Variants in IQCH observed in about 807,000 individuals in gnomAD.
IQCH encodes IQ motif containing H.
Under a neutral mutation model 117.0 loss-of-function variants are expected in IQCH, and 98 were observed. That is an observed-to-expected ratio of 0.84 (90% confidence interval 0.71 to 0.99). The LOEUF (loss-of-function observed/expected upper bound fraction) is 0.99, where lower values mean the gene tolerates loss of function less well. Among genes scored for constraint, IQCH ranks in the 50% least tolerant of loss-of-function variants. IQCH has a pLI of 0.00. For missense variants in IQCH, 1,102 were observed against 1,243.8 expected, an observed-to-expected ratio of 0.89 and a Z score of 1.72; for synonymous variants, 412 against 448.2, an observed-to-expected ratio of 0.92 and a Z score of 1.02.
Position 67,410,602 on chromosome 15 carries a change from T to C in IQCH, c.2098-6329T>C, listed in dbSNP as rs182297248. On this transcript the variant is annotated intron_variant, in intron 14 of 20. Coordinates refer to ENST00000335894, the MANE Select transcript of IQCH (RefSeq NM_001031715.3). Reference sequence around the variant, plus strand: ...CATTTGCCCATCCTGAACCAATCACTGTAGCCAGGATGTGGCTTTGCTCAT... The same window carrying C: ...CATTTGCCCATCCTGAACCAATCACCGTAGCCAGGATGTGGCTTTGCTCAT... Among the ~76,000 whole-genome samples, 24 of 152,366 alleles carry C rather than the reference T, an allele frequency of 1.6e-4. No individual in the cohort carries two copies. The East Asian group carries it at 2.7e-3, about 17-fold the overall frequency.
chr15:67,320,642 G>A (rs954023025), intron 4 of IQCH, among the ~76,000 whole-genome samples: 1 of 152,106 alleles, frequency 6.6e-6, no homozygotes, highest in Non-Finnish European at 1.5e-5. Context: ...AAGCTCCTTC[G>A]AAGAAAAGTT....
At chr15:67,378,262 A>T (rs1441218231) in intron 10 of IQCH, among the ~76,000 whole-genome samples, 1 of 151,850 alleles carries the variant, frequency 6.6e-6, no homozygotes, top group African/African-American at 2.4e-5. Flanking sequence ...TGCTTTCTCT[A>T]CTATGAGCTG....
At chr15:67,441,122 CAAAAAAAAAAAAAAAAAAA>C (rs200254535) in intron 16 of IQCH, among the ~76,000 whole-genome samples, 5 of 54,010 alleles carry the variant, frequency 9.3e-5, no homozygotes, top group African/African-American at 3.5e-4. Flanking sequence ...GCAATAGCTG[CAAAAAAAAAAAAAAAAAAA>C]AAAAAAAAAA....
At position 67,421,353 on chromosome 15, in the gene IQCH, A is replaced by G; in HGVS notation, c.2281A>G (p.Ile761Val). The G allele has an allele frequency of 1.9e-6, 3 of 1,614,176 alleles. No homozygotes were observed. The highest frequency in any genetic ancestry group is 2.5e-6 in the Non-Finnish European group (3 of 1,180,006). ...NVTNLTVDML[I>V]EPNGKISVLS... Reference sequence around the variant, plus strand: ...CACCAACCTCACAGTGGACATGCTGATAGAGCCCAACGGGAAAATCAGCGT... The same window carrying G: ...CACCAACCTCACAGTGGACATGCTGGTAGAGCCCAACGGGAAAATCAGCGT... Residue 761 changes from isoleucine (I) to valine (V), a missense_variant, in exon 16 of 21, where the codon ATA (isoleucine) becomes GTA (valine). This residue lies in a region of IQCH where 650 missense variants were observed against 794.3 expected (regional missense o/e 0.82). Coordinates refer to ENST00000335894, the MANE Select transcript of IQCH (RefSeq NM_001031715.3).
rs1272854198 is a variant in IQCH at position 67,422,517 on chromosome 15, A to G, written c.2505+940A>G. Among the ~76,000 whole-genome samples the G allele has an allele frequency of 6.6e-6, 1 of 152,118 alleles. No homozygotes were observed. Among genetic ancestry groups the G allele is most frequent in the East Asian group, 1.9e-4 (1 of 5,188 alleles). Reference sequence around the variant, plus strand: ...TCCTCCTAGAGGCCAGGAGGAAGCTACTGTCTCATACCTGGGGTTTTAATT... The same window carrying G: ...TCCTCCTAGAGGCCAGGAGGAAGCTGCTGTCTCATACCTGGGGTTTTAATT... On this transcript the variant is annotated intron_variant, in intron 16 of 20. Coordinates refer to ENST00000335894, the MANE Select transcript of IQCH (RefSeq NM_001031715.3). This position sits in a 1 kb window ranked among gnomAD's most constrained non-coding sequence, Gnocchi z 4.7.
At chr15:67,312,987 G>A (rs1347227479) in intron 4 of IQCH, among the ~76,000 whole-genome samples, 13 of 151,966 alleles carry the variant, frequency 8.6e-5, no homozygotes, top group Admixed American at 8.5e-4. Flanking sequence ...AGAGTGATTC[G>A]CCCTACATTT....
intron 13 of IQCH, among the ~76,000 whole-genome samples, chr15:67,396,447 A>G (rs112787982): frequency 1.3e-5 from 2 of 151,886 alleles, no homozygotes; most frequent in Non-Finnish European, 2.9e-5. Context: ...GTGGCTATGC[A>G]TTCTTCCAGC....
chr15:67,343,930 G>A, intron 5 of IQCH, 133 bp from the exon 6 acceptor site: 5 of 670,232 alleles, frequency 7.5e-6, no homozygotes, highest in Non-Finnish European at 1.2e-5. Context: ...TTTATGCAAA[G>A]GATTAAGGCA....
chr15:67,334,533 G>C (rs1219903616), intron 4 of IQCH, among the ~76,000 whole-genome samples: 1 of 152,128 alleles, frequency 6.6e-6, no homozygotes, highest in Non-Finnish European at 1.5e-5. Context: ...CTTTATTTAA[G>C]ATGCAATTTA....
In IQCH at chr15:67,372,013, T is replaced by C. The variant is rs977183759; in HGVS notation, c.754-98T>C. 5.7e-6 allele frequency: 6 copies of C among 1,050,942 alleles called. No homozygotes were observed. The African/African-American group carries it at 8.0e-5, about 14-fold the overall frequency. The allele number at this position is 1,050,942 out of a possible 1,614,324, so 65.1% of individuals were successfully genotyped here. On this transcript the variant is annotated intron_variant, in intron 8 of 20. Transcript: ENST00000335894. Reference sequence around the variant, plus strand: ...TGCTAGGATTCATATCTTCCCACCATTGAATGCTAAATGATAATGTAGTGT... The same window carrying C: ...TGCTAGGATTCATATCTTCCCACCACTGAATGCTAAATGATAATGTAGTGT...
In IQCH at chr15:67,400,498, T is replaced by TTTTTTTTTTTTTTC. The variant is rs1555481906; in HGVS notation, c.2097+197_2097+198insTTTTTTTTTCTTTT. Among the ~76,000 whole-genome samples the TTTTTTTTTTTTTTC allele has an allele frequency of 2.0e-4, 27 of 137,346 alleles. 1 individual carries two copies. The highest frequency in any genetic ancestry group is 3.8e-3 in the Middle Eastern group (1 of 266). The allele number at this position is 137,346 out of a possible 152,430, so 90.1% of individuals were successfully genotyped here. ...GACTGAGTTCTTTTTTTTCTTTTTT[T>TTTTTTTTTTTTTTC]TTTTGAGATGGGGCCTCACTCTGTT... On this transcript the variant is annotated intron_variant, in intron 14 of 20. Coordinates refer to ENST00000335894, the MANE Select transcript of IQCH (RefSeq NM_001031715.3).
chr15:67,400,279 G>A lies in IQCH; in HGVS notation c.2071G>A (p.Glu691Lys), dbSNP rs1172874324. ...VLKESSRYGL[E>K]DWRKKWAQEP... Reference sequence around the variant, plus strand: ...AAAGGAGAGTAGCAGATATGGCCTTGAAGACTGGAGAAAGAAATGGGCACA... The same window carrying A: ...AAAGGAGAGTAGCAGATATGGCCTTAAAGACTGGAGAAAGAAATGGGCACA... The change falls in exon 14 of 21, where the codon GAA becomes AAA. Residue 691 changes from glutamate (E) to lysine (K), a missense_variant. By Grantham distance (56) the Glu-to-Lys change is moderately conservative. This residue lies in a region of IQCH where 650 missense variants were observed against 794.3 expected (regional missense o/e 0.82). Transcript: ENST00000335894. 3 of 1,613,416 alleles carry A rather than the reference G, an allele frequency of 1.9e-6. No individual in the cohort carries two copies. In the African/African-American group the frequency reaches 4.0e-5, roughly 22 times the overall value.
chr15:67,407,011 G>A lies in IQCH; in HGVS notation c.2097+6706G>A, dbSNP rs1971936796. 6.6e-6 allele frequency: 1 copy of A among 152,194 alleles called. No individual in the cohort carries two copies. The highest frequency in any genetic ancestry group is 1.5e-5 in the Non-Finnish European group (1 of 68,038). 9.4% of individuals were successfully genotyped at this position (152,194 alleles called of 1,614,324 possible). A position where few individuals can be genotyped will look rare whatever the true frequency, so the allele number is the denominator to read the frequency against. On this transcript the variant is annotated intron_variant, in intron 14 of 20. Transcript: ENST00000335894. This position sits in a 1 kb window ranked among gnomAD's most constrained non-coding sequence, Gnocchi z 5.3. ...TTAATCTTTCTTTGGTGATTCAGAA[G>A]GTTCTTTAGGCTCTGGTAGGCTTCC...
chr15:67,263,164 T>C lies in IQCH; in HGVS notation c.217T>C (p.Leu73=), dbSNP rs375566840. ...KYLNVVNQNV[L]TTSVNDESLY... ...TTTAAATGTTGTAAACCAGAATGTA[T>C]TAACGACTTCTGTTAATGATGAGAG... is the stretch of plus-strand genomic sequence containing the variant. The change falls in exon 3 of 21, where the codon TTA becomes CTA. Residue 73 remains leucine, a synonymous_variant. Coordinates refer to ENST00000335894, the MANE Select transcript of IQCH (RefSeq NM_001031715.3). The C allele has an allele frequency of 6.3e-7, 1 of 1,584,334 alleles. No individual in the cohort carries two copies.
rs116379231 is a variant in IQCH, at chr15:67,480,387, C to T, written c.2799+4569C>T. On this transcript the variant is annotated intron_variant, in intron 18 of 20. Coordinates refer to ENST00000335894, the MANE Select transcript of IQCH (RefSeq NM_001031715.3). ...CTTCCTGAGTTGCCATATCCTTTTT[C>T]CTGCCTTAGAAATCATGGAAACACA... Among the ~76,000 whole-genome samples, 1,220 of 152,232 alleles carry T rather than the reference C, an allele frequency of 8.0e-3. 13 individuals are homozygous for T. Among genetic ancestry groups the T allele is most frequent in the African/African-American group, 0.028 (1,165 of 41,534 alleles).
rs116584595 is a variant in IQCH, at chr15:67,378,491, C to T, written c.1372+5058C>T. ...TGGGATAGGTGTACTGCCAAGACTT[C>T]CCAGACAGCATTTCCCAGAAATATC... On this transcript the variant is annotated intron_variant, in intron 10 of 20. Transcript: ENST00000335894. 8.5e-3 allele frequency among the ~76,000 whole-genome samples: 1,260 copies of T among 148,776 alleles called. 19 individuals are homozygous for T. Among genetic ancestry groups the T allele is most frequent in the African/African-American group, 0.03 (1,206 of 40,110 alleles).
At chr15:67,418,199 C>A (rs918265579) in intron 15 of IQCH, among the ~76,000 whole-genome samples, 1 of 152,092 alleles carries the variant, frequency 6.6e-6, no homozygotes, top group Non-Finnish European at 1.5e-5. Flanking sequence ...CCAGTAGTTA[C>A]ATTTATCAGG....
chr15:67,325,968 C>G lies in IQCH; in HGVS notation c.388-11007C>G, dbSNP rs555349994. ...GAAATAGGAGGTTGTTTACATTAAT[C>G]TTTTTTTTATTATTACACTTTAAGT... On this transcript the variant is annotated intron_variant, in intron 4 of 20. Transcript: ENST00000335894. Among the ~76,000 whole-genome samples, 12 of 151,998 alleles carry G rather than the reference C, an allele frequency of 7.9e-5. No homozygotes were observed. The South Asian group carries it at 2.5e-3, about 32-fold the overall frequency.
At chr15:67,258,563 A>G (rs943348980) in intron 1 of IQCH, among the ~76,000 whole-genome samples, 16 of 152,166 alleles carry the variant, frequency 1.1e-4, no homozygotes, top group African/African-American at 3.9e-4. Context: ...GTTAAAGATA[A>G]TTGAGGTGAT....
Sources: allele counts gnomAD v4.1 joint callset (sites outside exome capture counted in the v4.1 genomes callset), GRCh38; gene constraint gnomAD v4.1.1; regional missense constraint gnomAD v4.1.1; non-coding constraint Gnocchi (gnomAD v3.1); transcripts MANE v1.5; gene names NCBI Gene and HGNC (gene_info 2026-07-23, HGNC 2026-07-21).